The following PRKN variants were observed in gnomAD, a reference collection of about 807,000 sequenced individuals.
The protein encoded by PRKN is parkin RBR E3 ubiquitin protein ligase.
In PRKN, 56 loss-of-function variants were observed where a neutral mutation model predicts 59.5. That is an observed-to-expected ratio of 0.94 (90% confidence interval 0.76 to 1.18). The LOEUF (loss-of-function observed/expected upper bound fraction) is 1.18, where lower values mean the gene tolerates loss of function less well. PRKN is among the 50% of genes most tolerant of loss of function. The probability of loss-of-function intolerance (pLI) is 0.00; values close to 1 mark genes in which losing one functional copy is unlikely to be tolerated. For synonymous variants in PRKN, 250 were observed against 222.1 expected, an observed-to-expected ratio of 1.13 and a Z score of -1.12; for missense variants, 657 against 596.4, an observed-to-expected ratio of 1.10 and a Z score of -1.06.
At chr6:161,728,260 C>T (rs1250052983) in intron 7 of PRKN, among the ~76,000 whole-genome samples, 2 of 151,772 alleles carry the variant, frequency 1.3e-5, no homozygotes, top group Non-Finnish European at 2.9e-5. Flanking sequence ...AAAAAACATT[C>T]CACACCTATA....
intron 1 of PRKN, among the ~76,000 whole-genome samples, chr6:162,505,621 T>C (rs1793574543): frequency 6.6e-6 from 1 of 152,086 alleles, no homozygotes; most frequent in African/African-American, 2.4e-5. Context: ...AAAGCAACTA[T>C]ACAATACAAT....
chr6:162,412,006 G>C lies in PRKN; in HGVS notation c.171+31304C>G, dbSNP rs145856875. On this transcript the variant is annotated intron_variant, in intron 2 of 11. Transcript: ENST00000366898. ...TAAAGAAAACCATAGTATTTCTTTG[G>C]TCACAGCTGAGAGGCATTTTTTTTT... is the stretch of plus-strand genomic sequence containing the variant. 8.0e-3 allele frequency among the ~76,000 whole-genome samples: 1,193 copies of C among 149,862 alleles called. 18 individuals are homozygous for C. The highest frequency in any genetic ancestry group is 0.031 in the East Asian group (159 of 5,126).
rs149346814 is a variant in PRKN, at chr6:161,833,596, G to A, written c.735-47688C>T. Among the ~76,000 whole-genome samples, 450 of 152,140 alleles carry A rather than the reference G, an allele frequency of 3.0e-3. 2 individuals carry two copies. Among genetic ancestry groups the A allele is most frequent in the African/African-American group, 0.01 (422 of 41,510 alleles). On this transcript the variant is annotated intron_variant, in intron 6 of 11. Coordinates refer to ENST00000366898, the MANE Select transcript of PRKN (RefSeq NM_004562.3). ...ACCTGAGCTCTCCCTCACAGCAGCC[G>A]TCTCCCACAGACTCCCCTCGGATGT...
intron 4 of PRKN, among the ~76,000 whole-genome samples, chr6:162,107,496 A>T (rs1780241299): frequency 6.6e-6 from 1 of 152,156 alleles, no homozygotes. Context: ...AGTTGTACCA[A>T]GTAGTGGCTA....
chr6:162,259,757 C>A (rs998235178), intron 3 of PRKN, among the ~76,000 whole-genome samples: 1 of 152,156 alleles, frequency 6.6e-6, no homozygotes, highest in East Asian at 1.9e-4. Flanking sequence ...ACTATGTTTA[C>A]AATTTGAAGC....
chr6:162,292,638 G>C (rs1781491509), intron 2 of PRKN, among the ~76,000 whole-genome samples: 1 of 152,174 alleles, frequency 6.6e-6, no homozygotes, highest in Admixed American at 6.5e-5. Context: ...AGATAAGTCT[G>C]AATCAGCTGG....
intron 9 of PRKN, among the ~76,000 whole-genome samples, chr6:161,425,445 T>C (rs1788298792): frequency 6.6e-6 from 1 of 152,176 alleles, no homozygotes; most frequent in African/African-American, 2.4e-5. Context: ...AGAAAGAGTC[T>C]CCATTGACTT....
At chr6:162,627,403 T>A (rs1782937601) in intron 1 of PRKN, among the ~76,000 whole-genome samples, 1 of 152,208 alleles carries the variant, frequency 6.6e-6, no homozygotes, top group Admixed American at 6.5e-5. Context: ...GTATAGAAAT[T>A]ATTTCCCCAG....
chr6:162,664,167 G>A (rs529998438), intron 1 of PRKN, among the ~76,000 whole-genome samples: 50 of 152,230 alleles, frequency 3.3e-4, no homozygotes, highest in African/African-American at 1.0e-3. Flanking sequence ...TCCTGTGTTA[G>A]TTTGCTGAGG....
chr6:161,592,113 T>C lies in PRKN; in HGVS notation c.872-22697A>G, dbSNP rs1213487929. ...GTCAATGCTATGTAAATAGTTGTTA[T>C]ATTGCAATTTTATTTGTATTATTTT... On this transcript the variant is annotated intron_variant, in intron 7 of 11. Coordinates refer to ENST00000366898, the MANE Select transcript of PRKN (RefSeq NM_004562.3). The surrounding 1 kb of genome is among the most constrained non-coding windows in gnomAD (Gnocchi z 4.8). Among the ~76,000 whole-genome samples, 2 of 152,246 alleles carry C rather than the reference T, an allele frequency of 1.3e-5. No individual in the cohort carries two copies. The highest frequency in any genetic ancestry group is 2.4e-5 in the African/African-American group (1 of 41,462).
chr6:162,041,114 G>T lies in PRKN; in HGVS notation c.618+12977C>A, dbSNP rs148184746. Reference sequence around the variant, plus strand: ...GCAGGAGAATCACTTGAACCTAGGAGGCAGGGGTTGCGACCAGCTGAGATC... The same window carrying T: ...GCAGGAGAATCACTTGAACCTAGGATGCAGGGGTTGCGACCAGCTGAGATC... On this transcript the variant is annotated intron_variant, in intron 5 of 11. Transcript: ENST00000366898. 7.7e-3 allele frequency among the ~76,000 whole-genome samples: 1,167 copies of T among 152,168 alleles called. 21 individuals carry two copies. Among genetic ancestry groups the T allele is most frequent in the African/African-American group, 0.027 (1,103 of 41,528 alleles).
intron 7 of PRKN, among the ~76,000 whole-genome samples, chr6:161,682,985 T>C (rs1476411331): frequency 6.6e-6 from 1 of 152,220 alleles, no homozygotes; most frequent in East Asian, 1.9e-4. Context: ...AGGTGTTTTC[T>C]GCCTGGCGGT....
chr6:161,382,433 T>C (rs983471231), intron 10 of PRKN, among the ~76,000 whole-genome samples: 1 of 152,162 alleles, frequency 6.6e-6, no homozygotes, highest in Non-Finnish European at 1.5e-5. Flanking sequence ...GCCACTGAAA[T>C]TGATCTCTTC....
At chr6:161,408,550 A>G (rs559624926) in intron 9 of PRKN, among the ~76,000 whole-genome samples, 14 of 151,136 alleles carry the variant, frequency 9.3e-5, no homozygotes, top group Admixed American at 8.6e-4. Flanking sequence ...TTGTAATAAT[A>G]AAAACTCTTT....
chr6:162,265,381 C>T (rs1562625376), intron 2 of PRKN, among the ~76,000 whole-genome samples: 1 of 152,142 alleles, frequency 6.6e-6, no homozygotes, highest in Non-Finnish European at 1.5e-5. Context: ...ATTTGTCCCG[C>T]TGCTAAGGTC....
chr6:162,405,588 G>C (rs1238168548), intron 2 of PRKN, among the ~76,000 whole-genome samples: 1 of 152,160 alleles, frequency 6.6e-6, no homozygotes, highest in East Asian at 1.9e-4. Flanking sequence ...AGATACCTCA[G>C]AATGTTTTGG....
At chr6:161,728,487 C>G (rs1005769596) in intron 7 of PRKN, among the ~76,000 whole-genome samples, 3 of 152,132 alleles carry the variant, frequency 2.0e-5, no homozygotes, top group African/African-American at 7.2e-5. Flanking sequence ...TCACCGCCCC[C>G]CACCTGATTG....
rs1783733885 is a variant in PRKN, at chr6:162,334,359, T to C, written c.172-71594A>G. Among the ~76,000 whole-genome samples the C allele has an allele frequency of 2.6e-5, 4 of 152,194 alleles. No individual in the cohort carries two copies. The South Asian group carries it at 8.3e-4, about 32-fold the overall frequency. ...TTCCAAGGACAGGCTGATTATCTTG[T>C]TAGGGGCAAATGCAGCTGGTTTAAA... On this transcript the variant is annotated intron_variant, in intron 2 of 11. Transcript: ENST00000366898.
chr6:162,643,519 C>T (rs1490783326), intron 1 of PRKN, among the ~76,000 whole-genome samples: 11 of 151,784 alleles, frequency 7.2e-5, no homozygotes, highest in Non-Finnish European at 1.0e-4. Flanking sequence ...AGGCCCATTT[C>T]GGCGGGGAGG....
Sources: allele counts gnomAD v4.1 joint callset (sites outside exome capture counted in the v4.1 genomes callset), GRCh38; gene constraint gnomAD v4.1.1; non-coding constraint Gnocchi (gnomAD v3.1); transcripts MANE v1.5; gene names NCBI Gene and HGNC (gene_info 2026-07-23, HGNC 2026-07-21).